Variants in BNIP3L observed in about 807,000 individuals in gnomAD.
BNIP3L encodes the protein BCL2 interacting protein 3 like.
Under a neutral mutation model 25.5 loss-of-function variants are expected in BNIP3L, and 10 were observed. The observed-to-expected ratio is 0.39, with a 90% CI of 0.24 to 0.67. The LOEUF (loss-of-function observed/expected upper bound fraction) is 0.67, where lower values mean the gene tolerates loss of function less well. Ranked by LOEUF, BNIP3L falls within the 30% of genes least tolerant of loss-of-function variation. The probability of loss-of-function intolerance (pLI) is 0.45; values close to 1 mark genes in which losing one functional copy is unlikely to be tolerated. For missense variants in BNIP3L, 215 were observed against 270.9 expected (o/e 0.79, Z 1.45); for synonymous variants, 113 against 101.2 (o/e 1.12, Z -0.70).
chr8:26,407,025 C>T (rs2117494655), intron 3 of BNIP3L, among the ~76,000 whole-genome samples: 1 of 150,256 alleles, frequency 6.7e-6, no homozygotes, highest in South Asian at 2.1e-4. Flanking sequence ...TGGAATCTCA[C>T]TCTATCACCC....
intron 1 of BNIP3L, chr8:26,390,465 C>A: frequency 1.0e-6 from 1 of 985,200 alleles, no homozygotes; most frequent in Non-Finnish European, 1.2e-6. Context: ...TTAATGAAAA[C>A]CCTAGAAAGT....
In BNIP3L at chr8:26,383,056, A is replaced by G. The variant is rs1243011454; in HGVS notation, c.-75A>G. ...GCAGGCGCAGAAAAGGGGGCGGCGG[A>G]CTCGGCTTGTTGTGTTGCTGCCTGA... On this transcript the variant is annotated 5_prime_UTR_variant, in exon 1 of 6. Coordinates refer to ENST00000380629, the MANE Select transcript of BNIP3L (RefSeq NM_004331.3). The G allele has an allele frequency of 7.2e-7, 1 of 1,384,716 alleles. No individual in the cohort carries two copies. Among genetic ancestry groups the G allele is most frequent in the African/African-American group, 1.4e-5 (1 of 69,408 alleles). 85.8% of individuals were successfully genotyped at this position (1,384,716 alleles called of 1,614,324 possible).
At chr8:26,386,769 G>T (rs1806002419) in intron 1 of BNIP3L, among the ~76,000 whole-genome samples, 1 of 152,124 alleles carries the variant, frequency 6.6e-6, no homozygotes, top group Non-Finnish European at 1.5e-5. Context: ...TTCTTGTTAT[G>T]AAGAGTGCTC....
rs1203184911 is a variant in BNIP3L at position 26,396,626 on chromosome 8, A to G, written c.357+1324A>G. ...GCAACGGAACAAAGCTGGATGGAGA[A>G]TGATTTTGACGAGCTGAGAGAAGAA... On this transcript the variant is annotated intron_variant, in intron 3 of 5. Transcript: ENST00000380629. Among the ~76,000 whole-genome samples the G allele has an allele frequency of 2.0e-5, 3 of 151,062 alleles. No homozygotes were observed. In the East Asian group the frequency reaches 5.8e-4, roughly 29 times the overall value.
rs1806664925 is a variant in BNIP3L, at chr8:26,413,094, A to T, written c.*2682A>T. ...AATACATGTATAACTTGTAGCTATA[A>T]ACATTTTGTGCCATTAAAGCTCTCA... is the stretch of plus-strand genomic sequence containing the variant. On this transcript the variant is annotated 3_prime_UTR_variant, in exon 6 of 6. Coordinates refer to ENST00000380629, the MANE Select transcript of BNIP3L (RefSeq NM_004331.3). This position sits in a 1 kb window ranked among gnomAD's most constrained non-coding sequence, Gnocchi z 5.2. The T allele has an allele frequency of 6.6e-6, 1 of 152,658 alleles. No homozygotes were observed. Among genetic ancestry groups the T allele is most frequent in the South Asian group, 2.1e-4 (1 of 4,830 alleles). 9.5% of individuals were successfully genotyped at this position (152,658 alleles called of 1,614,324 possible).
intron 5 of BNIP3L, among the ~76,000 whole-genome samples, chr8:26,409,530 C>A (rs1806574224): frequency 6.6e-6 from 1 of 152,170 alleles, no homozygotes; most frequent in South Asian, 2.1e-4. Context: ...CAGTAATCAA[C>A]AAACAGCAAC....
chr8:26,404,908 G>T (rs1430460243), intron 3 of BNIP3L, among the ~76,000 whole-genome samples: 2 of 152,132 alleles, frequency 1.3e-5, no homozygotes, highest in Non-Finnish European at 2.9e-5. Flanking sequence ...CCATATTCTG[G>T]AATTCTAAGA....
At chr8:26,408,873 GAAAAA>G (rs36118116) in intron 5 of BNIP3L, among the ~76,000 whole-genome samples, 1 of 76,136 alleles carries the variant, frequency 1.3e-5, no homozygotes, top group African/African-American at 4.9e-5. Context: ...CTCCATCTCG[GAAAAA>G]AAAAAAAAAA....
intron 2 of BNIP3L, among the ~76,000 whole-genome samples, 167 bp from the exon 3 acceptor site, chr8:26,395,063 C>T (rs866480456): frequency 3.3e-5 from 5 of 152,250 alleles, no homozygotes; most frequent in African/African-American, 9.6e-5. Context: ...TTTCATTTAG[C>T]CTTTTAATAT....
chr8:26,401,574 CAAAA>C (rs34831973), intron 3 of BNIP3L, among the ~76,000 whole-genome samples: 28 of 61,250 alleles, frequency 4.6e-4, no homozygotes, highest in Non-Finnish European at 7.9e-4. Context: ...AAAAAAAAAA[CAAAA>C]AAAAAAACCT....
chr8:26,401,755 T>G (rs1043752534), intron 3 of BNIP3L, among the ~76,000 whole-genome samples: 3 of 152,150 alleles, frequency 2.0e-5, no homozygotes, highest in Admixed American at 1.3e-4. Context: ...TCCTTCAAGA[T>G]AAATATTGTT....
At chr8:26,407,790 A>G (rs3816067) in intron 3 of BNIP3L, among the ~76,000 whole-genome samples, 6,957 of 152,260 alleles carry the variant, frequency 0.046, 278 homozygotes, top group East Asian at 0.24. Flanking sequence ...AGATATCCCA[A>G]CAGTGAAGCT....
At chr8:26,388,229 T>C (rs1806030871) in intron 1 of BNIP3L, among the ~76,000 whole-genome samples, 1 of 152,254 alleles carries the variant, frequency 6.6e-6, no homozygotes, top group South Asian at 2.1e-4. Flanking sequence ...GGAATGGTTT[T>C]TCTATGATAT....
chr8:26,406,051 AACTGAATAAATAAT>A (rs895688714), intron 3 of BNIP3L, among the ~76,000 whole-genome samples: 26 of 151,868 alleles, frequency 1.7e-4, no homozygotes, highest in African/African-American at 6.3e-4. Flanking sequence ...TCAAAAAGAA[AACTGAATAAATAAT>A]ACTGAATAAA....
chr8:26,387,335 A>G (rs1358315702), intron 1 of BNIP3L, among the ~76,000 whole-genome samples: 4 of 152,248 alleles, frequency 2.6e-5, no homozygotes, highest in African/African-American at 9.6e-5. Flanking sequence ...GTTATGTACA[A>G]ATTGGCATAA....
At chr8:26,407,214 C>T (rs1806520836) in intron 3 of BNIP3L, among the ~76,000 whole-genome samples, 1 of 150,290 alleles carries the variant, frequency 6.7e-6, no homozygotes, top group African/African-American at 2.5e-5. Flanking sequence ...GAGGCGGAGT[C>T]TCGCTCTTTC....
At chr8:26,405,060 T>G (rs1806468990) in intron 3 of BNIP3L, among the ~76,000 whole-genome samples, 1 of 152,254 alleles carries the variant, frequency 6.6e-6, no homozygotes, top group Non-Finnish European at 1.5e-5. Context: ...CTTTTTTGTT[T>G]TGTTTTCTTT....
intron 2 of BNIP3L, among the ~76,000 whole-genome samples, chr8:26,394,878 A>G (rs1160459759): frequency 1.3e-5 from 2 of 152,254 alleles, no homozygotes; most frequent in African/African-American, 4.8e-5. Context: ...TGAGAAAAAG[A>G]ACTCTGAAGT....
At chr8:26,401,504 C>T (rs1446078385) in intron 3 of BNIP3L, among the ~76,000 whole-genome samples, 1 of 139,590 alleles carries the variant, frequency 7.2e-6, no homozygotes, top group Non-Finnish European at 1.5e-5. Flanking sequence ...CAGCATGGCA[C>T]ATGTATACAT....
Sources: gnomAD v4.1 joint callset for allele counts (sites outside exome capture counted in the v4.1 genomes callset) on GRCh38, gnomAD v4.1.1 for gene constraint, Gnocchi (gnomAD v3.1) non-coding constraint, MANE v1.5 for transcripts, NCBI Gene and HGNC (gene_info 2026-07-23, HGNC 2026-07-21) for gene names.